ABI3BP: variants seen among roughly 807,000 people sequenced by gnomAD.
ABI3BP encodes the protein target of Nesh-SH3.
Under a neutral mutation model 268.6 loss-of-function variants are expected in ABI3BP, and 216 were observed. That is an observed-to-expected ratio of 0.80 (90% CI 0.72 to 0.90). The LOEUF is 0.90. ABI3BP is among the 40% of genes least tolerant of loss of function. ABI3BP has a pLI of 0.00. For missense variants in ABI3BP, 2,090 were observed against 2,182.4 expected (o/e 0.96, Z 0.84); for synonymous variants, 730 against 730.0 (o/e 1.00, Z 0.00).
At chr3:100,899,338 T>A (rs2049113792) in intron 3 of ABI3BP, among the ~76,000 whole-genome samples, 1 of 152,186 alleles carries the variant, frequency 6.6e-6, no homozygotes, top group African/African-American at 2.4e-5. Context: ...TGAAATAACA[T>A]CTAAGACAAG....
chr3:100,772,892 A>G (rs943288591), intron 61 of ABI3BP, among the ~76,000 whole-genome samples: 23 of 152,042 alleles, frequency 1.5e-4, no homozygotes, highest in African/African-American at 5.6e-4. Context: ...CAGCCTGGCC[A>G]ACATGGTGAA....
rs144604645 is a variant in ABI3BP, at chr3:100,869,330, G to GTTTT, written c.911-2378_911-2375dup. ...ATATTGTTTTTTCTTCTTCTTTTTG[G>GTTTT]TTTTTTTTTTTTTTTTTTTTTTTTT... On this transcript the variant is annotated intron_variant, in intron 9 of 67. Transcript: ENST00000471714. Among the ~76,000 whole-genome samples the GTTTT allele has an allele frequency of 6.6e-3, 327 of 49,728 alleles. 58 individuals carry two copies. Among genetic ancestry groups the GTTTT allele is most frequent in the African/African-American group, 0.026 (315 of 12,182 alleles). The allele number at this position is 49,728 out of a possible 152,430, so 32.6% of individuals were successfully genotyped here. A position where few individuals can be genotyped will look rare whatever the true frequency, so the allele number is the denominator to read the frequency against.
chr3:100,905,594 G>C (rs2713787), intron 2 of ABI3BP, among the ~76,000 whole-genome samples: 126,516 of 151,454 alleles, frequency 0.84, 53,079 homozygotes, highest in East Asian at 1. Context: ...AGTGTTGGTA[G>C]AATGTGCACA....
At chr3:100,764,151 T>C (rs2096136702) in intron 63 of ABI3BP, among the ~76,000 whole-genome samples, 1 of 152,224 alleles carries the variant, frequency 6.6e-6, no homozygotes, top group Admixed American at 6.5e-5. Context: ...TAACACTCTC[T>C]TTGCCTATAA....
chr3:100,990,627 T>A (rs1345038709), intron 1 of ABI3BP, among the ~76,000 whole-genome samples: 1 of 150,018 alleles, frequency 6.7e-6, no homozygotes, highest in East Asian at 1.9e-4. Context: ...AAAATGTAGA[T>A]ATGTTCTTAG....
intron 14 of ABI3BP, among the ~76,000 whole-genome samples, chr3:100,854,811 G>A (rs985577257): frequency 1.1e-4 from 17 of 151,830 alleles, no homozygotes; most frequent in African/African-American, 3.9e-4. Flanking sequence ...TCAAAAAATA[G>A]TAATGACTTA....
At position 100,851,943 on chromosome 3, in the gene ABI3BP, T is replaced by TAAAAAA. The variant is rs60146880; in HGVS notation, c.1286-9_1286-4dup. Reference sequence around the variant, plus strand: ...GCTTGAGAAAACATCATAAGTTGCTTAAAAAAAAAAAAAAGGCAAAACAAG... The same window carrying TAAAAAA: ...GCTTGAGAAAACATCATAAGTTGCTTAAAAAAAAAAAAAAAAAAAAGGCAAAACAAG... On this transcript the variant is annotated splice_polypyrimidine_tract_variant and splice_region_variant and intron_variant, in intron 14 of 67. Transcript: ENST00000471714. 98 of 1,391,142 alleles carry TAAAAAA rather than the reference T, an allele frequency of 7.0e-5. No individual in the cohort carries two copies. The highest frequency in any genetic ancestry group is 8.3e-5 in the Non-Finnish European group (86 of 1,042,062). 86.2% of individuals were successfully genotyped at this position (1,391,142 alleles called of 1,614,324 possible).
chr3:100,840,860 T>A lies in ABI3BP; in HGVS notation c.1766-2A>T, dbSNP rs1406808544. On this transcript the variant is annotated splice_acceptor_variant, in intron 21 of 67. Coordinates refer to ENST00000471714, the MANE Select transcript of ABI3BP (RefSeq NM_001375547.2). LOFTEE classifies it high-confidence loss of function. ...GTTTGGTTCCTGGTGTTTCAGGTCC[T>A]AAGACAATGTGAAAAAATCACCAAG... is the stretch of plus-strand genomic sequence containing the variant. 2 of 1,533,234 alleles carry A rather than the reference T, an allele frequency of 1.3e-6. No individual in the cohort carries two copies. The highest frequency in any genetic ancestry group is 2.7e-5 in the African/African-American group (2 of 72,902). 95.0% of individuals were successfully genotyped at this position (1,533,234 alleles called of 1,614,324 possible).
intron 4 of ABI3BP, among the ~76,000 whole-genome samples, chr3:100,894,898 C>T (rs1299131888): frequency 7.6e-6 from 1 of 131,318 alleles, no homozygotes. Context: ...GAGATCGCGC[C>T]TCTGCACTCC....
At chr3:100,894,299 A>G (rs1285315963) in intron 4 of ABI3BP, among the ~76,000 whole-genome samples, 2 of 152,190 alleles carry the variant, frequency 1.3e-5, no homozygotes, top group Non-Finnish European at 2.9e-5. Context: ...TCAAGAGAAA[A>G]AGTCTGAGTT....
At position 100,901,229 on chromosome 3, in the gene ABI3BP, C is replaced by T. The variant is rs149743049; in HGVS notation, c.328+1389G>A. Reference sequence around the variant, plus strand: ...ATTAGTATTTTTCAAAATGCTTAACCATTCAATGCTGCTCTTAAAAGAAGT... The same window carrying T: ...ATTAGTATTTTTCAAAATGCTTAACTATTCAATGCTGCTCTTAAAAGAAGT... On this transcript the variant is annotated intron_variant, in intron 3 of 67. Coordinates refer to ENST00000471714, the MANE Select transcript of ABI3BP (RefSeq NM_001375547.2). Among the ~76,000 whole-genome samples, 646 of 152,230 alleles carry T rather than the reference C, an allele frequency of 4.2e-3. 3 individuals are homozygous for T. The highest frequency in any genetic ancestry group is 0.014 in the African/African-American group (599 of 41,544).
At chr3:100,927,697 T>C (rs577535734) in intron 1 of ABI3BP, among the ~76,000 whole-genome samples, 3 of 152,012 alleles carry the variant, frequency 2.0e-5, no homozygotes, top group Non-Finnish European at 4.4e-5. Context: ...TAGGGGGAGG[T>C]TGCTAAACCA....
intron 14 of ABI3BP, among the ~76,000 whole-genome samples, chr3:100,852,318 C>CCCAT (rs1029629371): frequency 2.0e-5 from 3 of 152,202 alleles, no homozygotes; most frequent in African/African-American, 7.2e-5. Context: ...AAACAGCAGT[C>CCCAT]CCATTGAGGC....
chr3:100,835,758 T>C (rs1441433801), intron 27 of ABI3BP, 98 bp from the exon 28 acceptor site: 1 of 988,678 alleles, frequency 1.0e-6, no homozygotes, highest in African/African-American at 1.6e-5. Flanking sequence ...ATGTTTTAAA[T>C]ACATTTCTGA....
chr3:100,852,988 AG>A (rs756379877), intron 14 of ABI3BP, among the ~76,000 whole-genome samples: 1 of 152,222 alleles, frequency 6.6e-6, no homozygotes, highest in Non-Finnish European at 1.5e-5. Context: ...TCAAAATGGC[AG>A]CACAGAAATC....
chr3:100,912,536 T>C (rs1382589987), intron 2 of ABI3BP, among the ~76,000 whole-genome samples: 2 of 152,034 alleles, frequency 1.3e-5, no homozygotes, highest in African/African-American at 4.8e-5. Context: ...AAGAATAAAA[T>C]CACCCACAGA....
intron 6 of ABI3BP, among the ~76,000 whole-genome samples, chr3:100,881,380 T>G (rs1300665139): frequency 6.6e-6 from 1 of 152,168 alleles, no homozygotes; most frequent in Non-Finnish European, 1.5e-5. Flanking sequence ...TCTTAAAATA[T>G]GGGTGGATCT....
At chr3:100,970,646 C>T (rs900303395) in intron 1 of ABI3BP, among the ~76,000 whole-genome samples, 2 of 152,148 alleles carry the variant, frequency 1.3e-5, no homozygotes, top group Admixed American at 6.6e-5. Flanking sequence ...AGGAGGAGGA[C>T]GAAAGGCGGT....
At chr3:100,934,286 T>C (rs982284431) in intron 1 of ABI3BP, among the ~76,000 whole-genome samples, 11 of 152,198 alleles carry the variant, frequency 7.2e-5, no homozygotes, top group Middle Eastern at 6.8e-3. Context: ...TCCAGCATCA[T>C]CCATGTCCCT....
Sources: allele counts gnomAD v4.1 joint callset (sites outside exome capture counted in the v4.1 genomes callset), GRCh38; gene constraint gnomAD v4.1.1; transcripts MANE v1.5; gene names NCBI Gene and HGNC (gene_info 2026-07-23, HGNC 2026-07-21).